Variants in NAT1 observed in about 807,000 individuals in gnomAD.
NAT1 encodes N-acetyltransferase 1, also known as arylamine N-acetyltransferase 1.
For synonymous variants in NAT1, 144 were observed against 122.6 expected, an observed-to-expected ratio of 1.17 and a Z score of -1.16; for missense variants, 400 against 339.2, an observed-to-expected ratio of 1.18 and a Z score of -1.41.
chr8:18,191,839 C>T (rs1325379570), intron 2 of NAT1, among the ~76,000 whole-genome samples: 1 of 151,746 alleles, frequency 6.6e-6, no homozygotes, highest in Non-Finnish European at 1.5e-5. Flanking sequence ...AAAATTAATT[C>T]AAGATGGATT....
chr8:18,193,523 C>A (rs1030079327), intron 2 of NAT1, among the ~76,000 whole-genome samples: 4 of 142,938 alleles, frequency 2.8e-5, no homozygotes, highest in Non-Finnish European at 6.0e-5. Flanking sequence ...ATATATATAT[C>A]ACATACTTTT....
At chr8:18,208,910 A>G (rs28359472), upstream of NAT1, among the ~76,000 whole-genome samples, 402 of 152,330 alleles carry the variant, frequency 2.6e-3, 5 homozygotes, top group East Asian at 0.017. Context: ...ACCCTAAAAC[A>G]AAGATTTGCA....
chr8:18,200,126 A>G (rs2117288554), intron 2 of NAT1, among the ~76,000 whole-genome samples: 1 of 152,322 alleles, frequency 6.6e-6, no homozygotes, highest in African/African-American at 2.4e-5. Flanking sequence ...TGTAGAAAAC[A>G]GCCTGGTGAT....
At position 18,189,642 on chromosome 8, in the gene NAT1, T is replaced by C. The variant is rs576519631; in HGVS notation, n.92+18903T>C. Among the ~76,000 whole-genome samples, 4 of 152,322 alleles carry C rather than the reference T, an allele frequency of 2.6e-5. No homozygotes were observed. In the East Asian group the frequency reaches 7.7e-4, roughly 29 times the overall value. ...GTAGAAGGCTTTTGTTTATTTACTT[T>C]GCGATGTGGTTGTTTCTTGCCTTTT... is the stretch of plus-strand genomic sequence containing the variant. On this transcript the variant is annotated intron_variant and non_coding_transcript_variant, in intron 2 of 4. Coordinates refer to the NAT1 transcript ENST00000517441.
At chr8:18,178,577 A>G (rs1734540788) in intron 2 of NAT1, among the ~76,000 whole-genome samples, 1 of 152,176 alleles carries the variant, frequency 6.6e-6, no homozygotes, top group Admixed American at 6.6e-5. Context: ...TGTGAGCTAT[A>G]GCTGAAGAGC....
chr8:18,213,838 T>C (rs2117358117), intron 1 of NAT1, among the ~76,000 whole-genome samples: 1 of 151,180 alleles, frequency 6.6e-6, no homozygotes, highest in Admixed American at 6.6e-5. Context: ...TTTTTTGAGA[T>C]GGAGTCTCAC....
At chr8:18,181,192 T>G (rs1183828671) in intron 2 of NAT1, among the ~76,000 whole-genome samples, 1 of 152,134 alleles carries the variant, frequency 6.6e-6, no homozygotes, top group Non-Finnish European at 1.5e-5. Context: ...ATGTTTTATA[T>G]TTTCCTTGTG....
intron 2 of NAT1, among the ~76,000 whole-genome samples, chr8:18,181,335 A>G (rs967615669): frequency 2.0e-5 from 3 of 152,168 alleles, no homozygotes; most frequent in Non-Finnish European, 4.4e-5. Flanking sequence ...TACAGATTCA[A>G]CGCAATCCCT....
intron 2 of NAT1, among the ~76,000 whole-genome samples, chr8:18,189,832 C>G (rs1384406798): frequency 6.6e-6 from 1 of 152,112 alleles, no homozygotes; most frequent in Admixed American, 6.6e-5. Context: ...CTCTGTTACC[C>G]AGGCTGGAGT....
chr8:18,219,279 T>G (rs1384427330), intron 1 of NAT1, 132 bp from the exon 2 acceptor site: 1 of 625,406 alleles, frequency 1.6e-6, no homozygotes, highest in Non-Finnish European at 2.8e-6. Context: ...AATGTTCACT[T>G]TACTGTGCAG....
At chr8:18,199,240 G>C (rs1803362757) in intron 2 of NAT1, among the ~76,000 whole-genome samples, 1 of 151,294 alleles carries the variant, frequency 6.6e-6, no homozygotes, top group African/African-American at 2.4e-5. Flanking sequence ...TTTGAACCCA[G>C]GAGGTGGAGT....
intron 2 of NAT1, 78 bp from the exon 3 acceptor site, chr8:18,221,964 A>T: frequency 7.2e-7 from 1 of 1,391,180 alleles, no homozygotes. Flanking sequence ...ACATGTTTAA[A>T]ATATAGCCAT....
intron 2 of NAT1, among the ~76,000 whole-genome samples, chr8:18,202,343 CAA>C (rs1803498821): frequency 6.6e-6 from 1 of 152,150 alleles, no homozygotes; most frequent in Admixed American, 6.5e-5. Context: ...AACGGGCAAT[CAA>C]GAGATTGATC....
At chr8:18,178,273 G>C (rs114997072) in intron 2 of NAT1, among the ~76,000 whole-genome samples, 15 of 151,764 alleles carry the variant, frequency 9.9e-5, no homozygotes, top group African/African-American at 3.2e-4. Context: ...AAAATAATCA[G>C]TGGTGACTTC....
chr8:18,220,210 G>C (rs929666196), intron 2 of NAT1, among the ~76,000 whole-genome samples: 1 of 152,142 alleles, frequency 6.6e-6, no homozygotes, highest in Non-Finnish European at 1.5e-5. Context: ...GTGGAAGTTA[G>C]GATGAGAAGA....
At chr8:18,197,078 G>T (rs1437530804) in intron 2 of NAT1, among the ~76,000 whole-genome samples, 1 of 152,220 alleles carries the variant, frequency 6.6e-6, no homozygotes, top group East Asian at 1.9e-4. Context: ...TCACCCGATG[G>T]TTTTAAAGCC....
intron 1 of NAT1, among the ~76,000 whole-genome samples, chr8:18,217,921 G>C (rs1481980571): frequency 6.6e-6 from 1 of 152,272 alleles, no homozygotes; most frequent in African/African-American, 2.4e-5. Context: ...CTGCTATAGA[G>C]TGTATTGTTT....
rs565847520 is a variant in NAT1 at position 18,193,794 on chromosome 8, C to A, written n.93-15987C>A. Among the ~76,000 whole-genome samples, 35 of 151,664 alleles carry A rather than the reference C, an allele frequency of 2.3e-4. No homozygotes were observed. In the East Asian group the frequency reaches 6.9e-3, roughly 30 times the overall value. On this transcript the variant is annotated intron_variant and non_coding_transcript_variant, in intron 2 of 4. Transcript: ENST00000517441. ...GTAGCTGGGATACAGGTGCCTGCCA[C>A]CACACCCAGCTAATTTTTGTATTTT...
At position 18,222,357 on chromosome 8, in the gene NAT1, G is replaced by A. The variant is rs761834764; in HGVS notation, c.310G>A (p.Gly104Ser). Residue 104 changes from glycine (G) to serine (S), a missense_variant, in exon 3 of 3, where the codon GGC (glycine) becomes AGC (serine). Coordinates refer to ENST00000307719, the MANE Select transcript of NAT1 (RefSeq NM_000662.8). ...CACTCCAGCCAAAAAATACAGCACT[G>A]GCATGATTCACCTTCTCCTGCAGGT... Reference protein sequence around the residue: ...YSTPAKKYSTGMIHLLLQVTI... With the variant: ...YSTPAKKYSTSMIHLLLQVTI... The A allele has an allele frequency of 6.2e-7, 1 of 1,614,046 alleles. No individual in the cohort carries two copies. Among genetic ancestry groups the A allele is most frequent in the Non-Finnish European group, 8.5e-7 (1 of 1,180,006 alleles).
Sources: allele counts gnomAD v4.1 joint callset (sites outside exome capture counted in the v4.1 genomes callset), GRCh38; gene constraint gnomAD v4.1.1; transcripts MANE v1.5; gene names NCBI Gene and HGNC (gene_info 2026-07-23, HGNC 2026-07-21).